GPBP1: variants seen among roughly 807,000 people sequenced by gnomAD.
GPBP1 encodes GC-rich promoter binding protein 1, also known as vasculin.
Under a neutral mutation model 56.5 loss-of-function variants are expected in GPBP1, and 13 were observed. The observed-to-expected ratio is 0.23, with a 90% CI of 0.15 to 0.37. GPBP1 has a LOEUF of 0.37. GPBP1 is among the 10% of genes least tolerant of loss of function. GPBP1 has a pLI of 1.00. For synonymous variants in GPBP1, 204 were observed against 188.9 expected (o/e 1.08, Z -0.66); for missense variants, 477 against 572.3 (o/e 0.83, Z 1.70).
chr5:57,182,627 T>C (rs1009910137), intron 2 of GPBP1, among the ~76,000 whole-genome samples: 1 of 152,138 alleles, frequency 6.6e-6, no homozygotes, highest in African/African-American at 2.4e-5. Context: ...TGCCTCAGCC[T>C]CCCAAAGTGC....
intron 10 of GPBP1, among the ~76,000 whole-genome samples, chr5:57,256,226 G>T (rs561838718): frequency 3.3e-5 from 5 of 152,008 alleles, no homozygotes; most frequent in Admixed American, 3.3e-4. Flanking sequence ...CTGAACTCTA[G>T]CCTGGACGGC....
intron 10 of GPBP1, among the ~76,000 whole-genome samples, chr5:57,259,311 A>G (rs1741792146): frequency 6.6e-6 from 1 of 152,220 alleles, no homozygotes; most frequent in African/African-American, 2.4e-5. Flanking sequence ...GTTTTATTCA[A>G]GGTCTCAGAT....
intron 5 of GPBP1, among the ~76,000 whole-genome samples, chr5:57,231,820 C>T (rs1038364279): frequency 6.6e-6 from 1 of 152,034 alleles, no homozygotes; most frequent in Admixed American, 6.6e-5. Flanking sequence ...TAGGCAAAGC[C>T]CTTACTCTTA....
At chr5:57,180,012 G>GA (rs34949852) in intron 2 of GPBP1, among the ~76,000 whole-genome samples, 109 of 148,046 alleles carry the variant, frequency 7.4e-4, no homozygotes, top group African/African-American at 1.9e-3. Context: ...GAGTGAGCAG[G>GA]AAAAAAAAAA....
rs1482415650 is a variant in GPBP1, at chr5:57,263,190, T to C, written c.*438T>C. The stretch of plus-strand genomic sequence containing the variant: ...ACAATGGAAATCCTCAAGTCCACTT[T>C]GTGCGGTCTCCCTCTCCTTCCCCCA... On this transcript the variant is annotated 3_prime_UTR_variant, in exon 12 of 12. Coordinates refer to ENST00000506184, the MANE Select transcript of GPBP1 (RefSeq NM_022913.4). 1.3e-5 allele frequency: 2 copies of C among 153,110 alleles called. No homozygotes were observed. The highest frequency in any genetic ancestry group is 2.4e-5 in the African/African-American group (1 of 41,470). The allele number at this position is 153,110 out of a possible 1,614,324, so 9.5% of individuals were successfully genotyped here. A position where few individuals can be genotyped will look rare whatever the true frequency, so the allele number is the denominator to read the frequency against.
chr5:57,243,186 T>A (rs1580066421), intron 6 of GPBP1, among the ~76,000 whole-genome samples: 1 of 150,070 alleles, frequency 6.7e-6, no homozygotes, highest in Non-Finnish European at 1.5e-5. Flanking sequence ...TCTGCCTCAG[T>A]CTCCCGAGTA....
chr5:57,235,474 G>T (rs1367638899), intron 5 of GPBP1, among the ~76,000 whole-genome samples: 1 of 151,454 alleles, frequency 6.6e-6, no homozygotes, highest in Non-Finnish European at 1.5e-5. Context: ...ATAAGAGAAT[G>T]GCTACTCCAT....
At chr5:57,233,731 T>A (rs539422445) in intron 5 of GPBP1, among the ~76,000 whole-genome samples, 1 of 152,296 alleles carries the variant, frequency 6.6e-6, no homozygotes, top group East Asian at 1.9e-4. Context: ...GGTCTTGCTG[T>A]CTCAGGTGGC....
rs1561384360 is a variant in GPBP1 at position 57,263,870 on chromosome 5, G to A, written c.*1118G>A. On this transcript the variant is annotated 3_prime_UTR_variant, in exon 12 of 12. Transcript: ENST00000506184. ...TACTATTTTGGCTCTGTGTATATTT[G>A]TATTTTGATTTTTCTGGTTTGTTTA... is the stretch of plus-strand genomic sequence containing the variant. 3.9e-5 allele frequency: 6 copies of A among 152,046 alleles called. No individual in the cohort carries two copies. The highest frequency in any genetic ancestry group is 3.9e-4 in the Admixed American group (6 of 15,256). The allele number at this position is 152,046 out of a possible 1,614,324, so 9.4% of individuals were successfully genotyped here. A position where few individuals can be genotyped will look rare whatever the true frequency, so the allele number is the denominator to read the frequency against.
intron 3 of GPBP1, among the ~76,000 whole-genome samples, chr5:57,224,257 T>C (rs1756080707): frequency 6.6e-6 from 1 of 151,934 alleles, no homozygotes; most frequent in Non-Finnish European, 1.5e-5. Context: ...TTTTTTTTTT[T>C]TTTTGAGACA....
At chr5:57,187,251 C>T (rs955177769) in intron 2 of GPBP1, among the ~76,000 whole-genome samples, 2 of 152,066 alleles carry the variant, frequency 1.3e-5, no homozygotes, top group African/African-American at 4.8e-5. Context: ...TGTCAATCTT[C>T]TTTTAAGTGG....
chr5:57,243,446 T>C (rs982862029), intron 6 of GPBP1, among the ~76,000 whole-genome samples: 2 of 152,082 alleles, frequency 1.3e-5, no homozygotes, highest in African/African-American at 4.8e-5. Context: ...TCAGGGACTT[T>C]TGTCATCTCT....
chr5:57,196,267 G>A (rs1182081986), intron 2 of GPBP1, among the ~76,000 whole-genome samples: 3 of 152,262 alleles, frequency 2.0e-5, no homozygotes, highest in Admixed American at 2.0e-4. Context: ...TTCCCCAGAA[G>A]TGCTGAGATT....
chr5:57,240,792 T>C (rs961624983), intron 6 of GPBP1, among the ~76,000 whole-genome samples: 2 of 151,976 alleles, frequency 1.3e-5, no homozygotes, highest in African/African-American at 2.4e-5. Context: ...CTGACCAACA[T>C]GGAGAAACCC....
At chr5:57,219,400 A>C (rs1329280739) in intron 3 of GPBP1, among the ~76,000 whole-genome samples, 13 of 60,078 alleles carry the variant, frequency 2.2e-4, no homozygotes, top group African/African-American at 1.1e-3. Context: ...AAAAAAAAAA[A>C]AAACCAAAAA....
intron 8 of GPBP1, among the ~76,000 whole-genome samples, chr5:57,248,676 C>G (rs925536298): frequency 3.3e-5 from 5 of 152,036 alleles, no homozygotes; most frequent in Non-Finnish European, 5.9e-5. Flanking sequence ...CCTCGTGATC[C>G]GCCCGCCTCG....
intron 2 of GPBP1, among the ~76,000 whole-genome samples, chr5:57,191,381 G>A (rs866622300): frequency 4.0e-5 from 6 of 151,562 alleles, no homozygotes; most frequent in African/African-American, 9.7e-5. Flanking sequence ...GGTGTGAGCC[G>A]CCGTGCCTGG....
chr5:57,184,093 G>C (rs184054741), intron 2 of GPBP1, among the ~76,000 whole-genome samples: 1 of 151,994 alleles, frequency 6.6e-6, no homozygotes, highest in Non-Finnish European at 1.5e-5. Context: ...TTAGCCGGGC[G>C]TGGTGGTGCA....
intron 2 of GPBP1, among the ~76,000 whole-genome samples, chr5:57,179,191 T>C (rs142473015): frequency 6.6e-6 from 1 of 152,382 alleles, no homozygotes; most frequent in East Asian, 1.9e-4. Flanking sequence ...TTCATTTATT[T>C]GAACATTATC....
Sources: gnomAD v4.1 joint callset for allele counts (sites outside exome capture counted in the v4.1 genomes callset) on GRCh38, gnomAD v4.1.1 for gene constraint, MANE v1.5 for transcripts, NCBI Gene and HGNC (gene_info 2026-07-23, HGNC 2026-07-21) for gene names.